VPS37A: variants seen among roughly 807,000 people sequenced by gnomAD.
VPS37A encodes VPS37A subunit of ESCRT-I, also known as vacuolar protein sorting-associated protein 37A.
A neutral mutation model predicts 49.8 loss-of-function variants in VPS37A; 30 were observed. The observed-to-expected ratio is 0.60, with a 90% confidence interval of 0.45 to 0.82. VPS37A has a LOEUF of 0.82. VPS37A is among the 40% of genes least tolerant of loss of function. The pLI is 0.00. For synonymous variants in VPS37A, 195 were observed against 160.6 expected (o/e 1.21, Z -1.62); for missense variants, 593 against 464.4 (o/e 1.28, Z -2.55).
chr8:17,265,628 G>A, intron 1 of VPS37A: 1 of 572,392 alleles, frequency 1.7e-6, no homozygotes, highest in Non-Finnish European at 2.9e-6. Context: ...TGGATAGAGT[G>A]ATAGTAAAAC....
downstream of VPS37A, chr8:17,304,306 G>A: frequency 1.3e-6 from 2 of 1,531,962 alleles, no homozygotes; most frequent in South Asian, 1.2e-5. Flanking sequence ...CATACACTTT[G>A]ACCTCTGAAT....
At chr8:17,301,750 T>C (rs4921746), downstream of VPS37A, 54,296 of 192,384 alleles carry the variant, frequency 0.28, 11,127 homozygotes, top group East Asian at 0.61. Context: ...GTCTCCCCTT[T>C]ACCAATTATA....
At chr8:17,305,829 A>G (rs1279021611), downstream of VPS37A, 2 of 1,613,634 alleles carry the variant, frequency 1.2e-6, no homozygotes, top group East Asian at 2.2e-5. Flanking sequence ...GTGATGTTGA[A>G]TGTGAATCAA....
At chr8:17,275,073 A>T in intron 5 of VPS37A, 115 bp downstream of exon 5, 1 of 965,182 alleles carries the variant, frequency 1.0e-6, no homozygotes, top group South Asian at 1.7e-5. Context: ...ATATGAAAAG[A>T]TGAACTCACA....
chr8:17,247,953 C>T (rs1025917514), intron 1 of VPS37A: 2 of 590,136 alleles, frequency 3.4e-6, no homozygotes, highest in African/African-American at 3.7e-5. Context: ...GTACATTTCT[C>T]ACTTCTTTCA....
downstream of VPS37A, chr8:17,302,469 C>G: frequency 3.7e-6 from 2 of 533,480 alleles, no homozygotes; most frequent in Non-Finnish European, 6.4e-6. Context: ...CAGTAAATGC[C>G]TTTTGGGGAG....
Position 17,274,777 on chromosome 8 carries a change from G to A in VPS37A, c.461G>A (p.Gly154Asp). The change falls in exon 5 of 12, where the codon GGT becomes GAT. Residue 154 changes from glycine to aspartate, a missense_variant. Transcript: ENST00000324849. ...GGGATGTCTCCTTATGCTTCTCAGGGTTTTCCATTTCTTCCTCCATATCCT... is the reference window on the plus strand; with the variant it reads ...GGGATGTCTCCTTATGCTTCTCAGGATTTTCCATTTCTTCCTCCATATCCT... ...PSGMSPYASQ[G>D]FPFLPPYPPQ... 6.2e-7 allele frequency: 1 copy of A among 1,614,006 alleles called. No individual in the cohort carries two copies. The highest frequency in any genetic ancestry group is 8.5e-7 in the Non-Finnish European group (1 of 1,180,006).
intron 1 of VPS37A, among the ~76,000 whole-genome samples, chr8:17,263,474 TTA>T: frequency 6.6e-6 from 1 of 152,280 alleles, no homozygotes; most frequent in Middle Eastern, 3.4e-3. Flanking sequence ...CTCATTAATA[TTA>T]TAAGTATCAC....
At chr8:17,251,082 C>T (rs1811930525) in intron 1 of VPS37A, among the ~76,000 whole-genome samples, 1 of 152,242 alleles carries the variant, frequency 6.6e-6, no homozygotes, top group South Asian at 2.1e-4. Flanking sequence ...TTTCCCTCTG[C>T]AAGGCCCATA....
the VPS37A span, among the ~76,000 whole-genome samples, chr8:17,326,760 G>A: frequency 6.6e-6 from 1 of 152,164 alleles, no homozygotes; most frequent in Non-Finnish European, 1.5e-5. Context: ...ACTTCCTGAT[G>A]AGAACGCAGC....
Position 17,296,629 on chromosome 8 carries a change from GATCT to G in VPS37A, c.*1650_*1653del, listed in dbSNP as rs1396832071. 2.0e-4 allele frequency: 30 copies of G among 152,032 alleles called. No homozygotes were observed. Among genetic ancestry groups the G allele is most frequent in the Non-Finnish European group, 1.3e-4 (9 of 68,000 alleles). 9.4% of individuals were successfully genotyped at this position (152,032 alleles called of 1,614,324 possible). On this transcript the variant is annotated 3_prime_UTR_variant, in exon 12 of 12. Transcript: ENST00000324849. ...AGCCCCTCATTTGATTAATTCATTT[GATCT>G]ATCTATGTTATTAAGTACCTACTAG...
chr8:17,306,950 A>G (rs538676617), downstream of VPS37A, among the ~76,000 whole-genome samples: 55 of 152,298 alleles, frequency 3.6e-4, no homozygotes, highest in African/African-American at 1.3e-3. Context: ...AAGAAAACCT[A>G]GGCAATACCA....
intron 5 of VPS37A, among the ~76,000 whole-genome samples, chr8:17,276,179 G>T (rs1050540462): frequency 6.6e-6 from 1 of 151,322 alleles, no homozygotes; most frequent in Non-Finnish European, 1.5e-5. Context: ...TCCTCACATG[G>T]CCATCACCAA....
chr8:17,304,605 A>C, downstream of VPS37A: 1 of 1,425,926 alleles, frequency 7.0e-7, no homozygotes, highest in Non-Finnish European at 9.7e-7. Context: ...GAAAGGAACT[A>C]ATAATTGTTA....
chr8:17,328,319 C>G, the VPS37A span, among the ~76,000 whole-genome samples: 1 of 152,168 alleles, frequency 6.6e-6, no homozygotes, highest in African/African-American at 2.4e-5. Flanking sequence ...CCACTTCCTC[C>G]CCAACACCCA....
intron 11 of VPS37A, among the ~76,000 whole-genome samples, chr8:17,294,545 T>C (rs962569427): frequency 2.6e-5 from 4 of 152,126 alleles, no homozygotes; most frequent in Admixed American, 1.3e-4. Flanking sequence ...CCACCTAGTT[T>C]TGTGGTTGAA....
At chr8:17,274,684 T>C (rs368822907) in intron 4 of VPS37A, 49 bp from the exon 5 acceptor site, 243 of 1,461,120 alleles carry the variant, frequency 1.7e-4, no homozygotes, top group Non-Finnish European at 2.2e-4. Flanking sequence ...CAATTTGACA[T>C]GTTTTATCCA....
intron 5 of VPS37A, 104 bp from the exon 6 acceptor site, chr8:17,276,293 C>A: frequency 1.2e-6 from 1 of 827,394 alleles, no homozygotes; most frequent in East Asian, 2.9e-5. Context: ...TATGATAATG[C>A]AAACAGTTAT....
chr8:17,260,811 T>C (rs983077337), intron 1 of VPS37A, among the ~76,000 whole-genome samples: 1 of 152,208 alleles, frequency 6.6e-6, no homozygotes, highest in Admixed American at 6.5e-5. Context: ...CCTTCTGGCC[T>C]ATATGGTTCT....
Sources: allele counts gnomAD v4.1 joint callset (sites outside exome capture counted in the v4.1 genomes callset), GRCh38; gene constraint gnomAD v4.1.1; transcripts MANE v1.5; gene names NCBI Gene and HGNC (gene_info 2026-07-23, HGNC 2026-07-21).